RORB: variants seen among roughly 807,000 people sequenced by gnomAD.
The protein encoded by RORB is RAR related orphan receptor B.
A neutral mutation model predicts 59.1 loss-of-function variants in RORB; 6 were observed. That is an observed-to-expected ratio of 0.10 (90% CI 0.06 to 0.20). The LOEUF (loss-of-function observed/expected upper bound fraction) is 0.20, where lower values mean the gene tolerates loss of function less well. Ranked by LOEUF, RORB falls within the 10% of genes least tolerant of loss-of-function variation. The pLI is 1.00. For missense variants in RORB, 320 were observed against 560.5 expected, an observed-to-expected ratio of 0.57 and a Z score of 4.33; for synonymous variants, 215 against 204.5, an observed-to-expected ratio of 1.05 and a Z score of -0.44.
At chr9:74,611,909 C>T (rs1013948941) in intron 1 of RORB, among the ~76,000 whole-genome samples, 1 of 152,122 alleles carries the variant, frequency 6.6e-6, no homozygotes, top group Non-Finnish European at 1.5e-5. Context: ...CTCGGCCTCC[C>T]AAAGTGCTGG....
intron 1 of RORB, among the ~76,000 whole-genome samples, chr9:74,577,390 G>T (rs142702046): frequency 3.4e-4 from 51 of 152,080 alleles, no homozygotes; most frequent in African/African-American, 1.2e-3. Flanking sequence ...CTACTTTTAG[G>T]CATCTACTTA....
chr9:74,614,204 G>T (rs1041629395), intron 1 of RORB, among the ~76,000 whole-genome samples: 3 of 152,172 alleles, frequency 2.0e-5, no homozygotes, highest in African/African-American at 7.2e-5. Flanking sequence ...GGTTGCGTGT[G>T]CATAGACTTG....
rs1045939946 is a variant in RORB, at chr9:74,570,726, C to T, written c.8-59556C>T. 5.7e-5 allele frequency among the ~76,000 whole-genome samples: 7 copies of T among 122,240 alleles called. No homozygotes were observed. The South Asian group carries it at 1.1e-3, about 20-fold the overall frequency. 80.2% of individuals were successfully genotyped at this position (122,240 alleles called of 152,430 possible). A position where few individuals can be genotyped will look rare whatever the true frequency, so the allele number is the denominator to read the frequency against. On this transcript the variant is annotated intron_variant, in intron 1 of 9. Transcript: ENST00000376896. ...TACAGCTTATGAATTTGTGTGTGCACACACGTGTGTGTGTATGAATGTGTC... is the reference window on the plus strand; with the variant it reads ...TACAGCTTATGAATTTGTGTGTGCATACACGTGTGTGTGTATGAATGTGTC...
At chr9:74,498,053 G>A in intron 1 of RORB, 70 bp downstream of exon 1, 1 of 1,559,646 alleles carries the variant, frequency 6.4e-7, no homozygotes, top group Non-Finnish European at 8.7e-7. Context: ...AGATGGGGGA[G>A]GGGAGGGCAC....
At chr9:74,640,194 T>C (rs1327827) in intron 3 of RORB, among the ~76,000 whole-genome samples, 131,752 of 152,172 alleles carry the variant, frequency 0.87, 58,424 homozygotes, top group East Asian at 1. Flanking sequence ...ACTTAGGCAG[T>C]ATCAGAAAGC....
At chr9:74,577,919 A>G (rs1193701167) in intron 1 of RORB, among the ~76,000 whole-genome samples, 1 of 152,124 alleles carries the variant, frequency 6.6e-6, no homozygotes, top group Admixed American at 6.6e-5. Context: ...CTGTCTCCAC[A>G]GTTCTCGGGC....
chr9:74,619,477 A>G (rs980900614), intron 1 of RORB, among the ~76,000 whole-genome samples: 2 of 152,096 alleles, frequency 1.3e-5, no homozygotes, highest in East Asian at 3.9e-4. Context: ...TTTGAGTTGG[A>G]GTCTTACTCT....
intron 1 of RORB, among the ~76,000 whole-genome samples, chr9:74,535,425 C>A (rs1024043155): frequency 6.6e-6 from 1 of 151,870 alleles, no homozygotes; most frequent in South Asian, 2.1e-4. Flanking sequence ...AGGGCTGTGC[C>A]TAGGATGGCA....
chr9:74,564,470 A>C (rs1267089597), intron 1 of RORB, among the ~76,000 whole-genome samples: 4 of 152,216 alleles, frequency 2.6e-5, no homozygotes, highest in Non-Finnish European at 5.9e-5. Context: ...TGAGTTATGT[A>C]ACCTGCAAAT....
intron 2 of RORB, among the ~76,000 whole-genome samples, chr9:74,634,113 G>T (rs901649648): frequency 7.0e-6 from 1 of 142,134 alleles, no homozygotes; most frequent in East Asian, 2.0e-4. Context: ...AGCTGCATTC[G>T]AGCCAAATTC....
At chr9:74,634,858 A>G in intron 3 of RORB, 86 bp downstream of exon 3, 4 of 1,257,772 alleles carry the variant, frequency 3.2e-6, no homozygotes, top group Non-Finnish European at 4.4e-6. Context: ...GAAGAATTCT[A>G]GATGAGGGAA....
chr9:74,501,772 G>C (rs1441347415), intron 1 of RORB, among the ~76,000 whole-genome samples: 1 of 152,118 alleles, frequency 6.6e-6, no homozygotes, highest in African/African-American at 2.4e-5. Context: ...TGGACTTCTG[G>C]GATAGGTATT....
At chr9:74,544,391 G>A (rs569279539) in intron 1 of RORB, among the ~76,000 whole-genome samples, 1 of 152,310 alleles carries the variant, frequency 6.6e-6, no homozygotes, top group Non-Finnish European at 1.5e-5. Context: ...AATGGTTAAA[G>A]CCAAAGGTAG....
At chr9:74,575,462 A>C (rs1003319221) in intron 1 of RORB, among the ~76,000 whole-genome samples, 7 of 152,146 alleles carry the variant, frequency 4.6e-5, no homozygotes, top group African/African-American at 1.7e-4. Context: ...CCCCCTGAGC[A>C]GTACAGGAAG....
chr9:74,621,297 TG>T (rs111740607), intron 1 of RORB, among the ~76,000 whole-genome samples: 2,128 of 152,316 alleles, frequency 0.014, 63 homozygotes, highest in African/African-American at 0.049. Context: ...TGGCAACTAA[TG>T]ATTTTTTTAA....
chr9:74,588,146 G>A (rs997412615), intron 1 of RORB, among the ~76,000 whole-genome samples: 6 of 152,080 alleles, frequency 3.9e-5, no homozygotes, highest in African/African-American at 1.4e-4. Flanking sequence ...GTGGCGAGAA[G>A]AGTAGACTAA....
chr9:74,627,701 AATATT>A, intron 1 of RORB, among the ~76,000 whole-genome samples: 1 of 152,256 alleles, frequency 6.6e-6, no homozygotes, highest in South Asian at 2.1e-4. Context: ...CCTTTGACTT[AATATT>A]ATATAAGCTA....
Position 74,539,565 on chromosome 9 carries a change from C to T in RORB, c.7+41582C>T, listed in dbSNP as rs113239574. ...ACTGTTTTAAAGTACTGGGCTACAG[C>T]GTTAAGAAGCCAGAAAACGTTCTTG... On this transcript the variant is annotated intron_variant, in intron 1 of 9. Transcript: ENST00000376896. Among the ~76,000 whole-genome samples, 827 of 152,176 alleles carry T rather than the reference C, an allele frequency of 5.4e-3. 8 individuals carry two copies. The highest frequency in any genetic ancestry group is 0.018 in the African/African-American group (761 of 41,520).
chr9:74,518,294 T>C (rs1414547760), intron 1 of RORB, among the ~76,000 whole-genome samples: 3 of 152,006 alleles, frequency 2.0e-5, no homozygotes, highest in Non-Finnish European at 4.4e-5. Flanking sequence ...GAGAGGAAGA[T>C]CGTTCAAAAA....
Sources: gnomAD v4.1 joint callset for allele counts (sites outside exome capture counted in the v4.1 genomes callset) on GRCh38, gnomAD v4.1.1 for gene constraint, MANE v1.5 for transcripts, NCBI Gene and HGNC (gene_info 2026-07-23, HGNC 2026-07-21) for gene names.